The following CCNY variants were observed in gnomAD, a reference collection of about 807,000 sequenced individuals.
CCNY encodes the protein cyclin-Y.
CCNY carries 19 observed loss-of-function variants against 42.8 expected under a neutral mutation model. That is an observed-to-expected ratio of 0.44 (90% CI 0.31 to 0.65). CCNY has a LOEUF of 0.65. Among genes scored for constraint, CCNY ranks in the 30% least tolerant of loss-of-function variants. CCNY has a pLI of 0.07. For synonymous variants in CCNY, 165 were observed against 162.7 expected, an observed-to-expected ratio of 1.01 and a Z score of -0.11; for missense variants, 370 against 437.3, an observed-to-expected ratio of 0.85 and a Z score of 1.37.
At chr10:35,481,192 A>G (rs1184638397) in intron 1 of CCNY, among the ~76,000 whole-genome samples, 1 of 152,206 alleles carries the variant, frequency 6.6e-6, no homozygotes, top group Non-Finnish European at 1.5e-5. Context: ...TTTAGATGGT[A>G]TGATAGCATT....
chr10:35,367,643 C>T (rs570270106), intron 1 of CCNY, among the ~76,000 whole-genome samples: 2 of 152,320 alleles, frequency 1.3e-5, no homozygotes, highest in South Asian at 4.1e-4. Flanking sequence ...CCATAGAAGT[C>T]ACTTTGTGAG....
intron 3 of CCNY, among the ~76,000 whole-genome samples, chr10:35,331,130 G>C (rs1285828960): frequency 6.6e-6 from 1 of 152,190 alleles, no homozygotes; most frequent in Non-Finnish European, 1.5e-5. Flanking sequence ...TAGTCCTGTG[G>C]CCAGCTGTCA....
chr10:35,513,204 T>G (rs1840357079), intron 3 of CCNY, among the ~76,000 whole-genome samples: 1 of 152,218 alleles, frequency 6.6e-6, no homozygotes, highest in African/African-American at 2.4e-5. Context: ...TTCTGCATAT[T>G]CATAGCTTAA....
At chr10:35,309,266 T>A (rs1424899112) in intron 3 of CCNY, among the ~76,000 whole-genome samples, 9 of 152,082 alleles carry the variant, frequency 5.9e-5, no homozygotes, top group Admixed American at 5.9e-4. Flanking sequence ...AGAATGGCCC[T>A]CCACATGAGA....
At chr10:35,516,311 G>A (rs896225890) in intron 3 of CCNY, among the ~76,000 whole-genome samples, 7 of 151,982 alleles carry the variant, frequency 4.6e-5, no homozygotes, top group Non-Finnish European at 1.0e-4. Context: ...TTAGGGACTA[G>A]GTGTGGTCCT....
At chr10:35,504,962 T>TA (rs1276027828) in intron 3 of CCNY, among the ~76,000 whole-genome samples, 1 of 152,042 alleles carries the variant, frequency 6.6e-6, no homozygotes, top group Non-Finnish European at 1.5e-5. Context: ...ATATGAAAGA[T>TA]ACACGTATTT....
chr10:35,415,567 T>A (rs993959723), intron 1 of CCNY, among the ~76,000 whole-genome samples: 7 of 152,248 alleles, frequency 4.6e-5, no homozygotes, highest in African/African-American at 1.7e-4. Flanking sequence ...GGATTAGTTT[T>A]GGGCTCCTTT....
intron 1 of CCNY, among the ~76,000 whole-genome samples, chr10:35,386,233 A>G (rs2474534): frequency 0.053 from 8,075 of 152,252 alleles, 315 homozygotes; most frequent in African/African-American, 0.11. Context: ...GTATCGTGTC[A>G]GAGTCTCTGG....
intron 3 of CCNY, among the ~76,000 whole-genome samples, chr10:35,261,110 A>G (rs2095719200): frequency 6.6e-6 from 1 of 152,022 alleles, no homozygotes; most frequent in African/African-American, 2.4e-5. Context: ...AATCTGCCTT[A>G]AAAAAACAAA....
intron 3 of CCNY, among the ~76,000 whole-genome samples, chr10:35,295,659 T>C (rs567094963): frequency 6.6e-6 from 1 of 152,324 alleles, no homozygotes; most frequent in Admixed American, 6.5e-5. Context: ...TGTCATTTTG[T>C]GTCTGGCTTA....
At chr10:35,469,844 AGAGACAGACAGGAAGATGGAGAGACAGG>A (rs1839351106) in intron 1 of CCNY, among the ~76,000 whole-genome samples, 1 of 150,446 alleles carries the variant, frequency 6.6e-6, no homozygotes, top group Non-Finnish European at 1.5e-5. Context: ...AGGGCGATGG[AGAGACAGACAGGAAGATGGAGAGACAGG>A]GAGATAGATA....
intron 7 of CCNY, among the ~76,000 whole-genome samples, chr10:35,551,912 T>A (rs1841266531): frequency 6.6e-6 from 1 of 152,256 alleles, no homozygotes; most frequent in Admixed American, 6.5e-5. Flanking sequence ...ATTGGAATCC[T>A]TGTGCATTGC....
At chr10:35,309,849 G>C (rs1037135163) in intron 3 of CCNY, among the ~76,000 whole-genome samples, 14 of 151,924 alleles carry the variant, frequency 9.2e-5, no homozygotes, top group African/African-American at 3.4e-4. Context: ...GCCCAGGCTG[G>C]AGTGCAGTGG....
intron 3 of CCNY, among the ~76,000 whole-genome samples, chr10:35,320,167 A>AATACCTCACTGAATACAGT (rs372381518): frequency 6.6e-6 from 1 of 152,134 alleles, no homozygotes; most frequent in African/African-American, 2.4e-5. Context: ...CATTGAAAGG[A>AATACCTCACTGAATACAGT]ATACCTCACT....
intron 3 of CCNY, among the ~76,000 whole-genome samples, chr10:35,290,265 A>ACACACACACACACACAC (rs1405052578): frequency 1.2e-4 from 6 of 50,172 alleles, no homozygotes; most frequent in African/African-American, 4.5e-4. Flanking sequence ...CACACACACA[A>ACACACACACACACACAC]AATTAGCTGG....
intron 2 of CCNY, among the ~76,000 whole-genome samples, chr10:35,496,526 C>G (rs1840006640): frequency 6.6e-6 from 1 of 152,120 alleles, no homozygotes. Flanking sequence ...GAAGGTCGGT[C>G]TATTTTAGAA....
At chr10:35,437,714 A>G (rs1838570233) in intron 1 of CCNY, among the ~76,000 whole-genome samples, 1 of 152,098 alleles carries the variant, frequency 6.6e-6, no homozygotes, top group African/African-American at 2.4e-5. Context: ...GCTAGTATGA[A>G]TAGAGTGAGA....
chr10:35,492,470 C>A (rs942229083), intron 2 of CCNY, among the ~76,000 whole-genome samples: 1 of 151,102 alleles, frequency 6.6e-6, no homozygotes, highest in African/African-American at 2.4e-5. Context: ...TTTTTTTTTT[C>A]TTTCTTAGTG....
chr10:35,391,140 G>A (rs577063477), intron 1 of CCNY, among the ~76,000 whole-genome samples: 3 of 152,310 alleles, frequency 2.0e-5, no homozygotes, highest in African/African-American at 2.4e-5. Flanking sequence ...TCTGCAGAAA[G>A]GGTGCTCATT....
Sources: gnomAD v4.1 joint callset for allele counts (sites outside exome capture counted in the v4.1 genomes callset) on GRCh38, gnomAD v4.1.1 for gene constraint, MANE v1.5 for transcripts, NCBI Gene and HGNC (gene_info 2026-07-23, HGNC 2026-07-21) for gene names.